Variants in HS3ST3A1 observed in about 807,000 individuals in gnomAD.
The protein encoded by HS3ST3A1 is heparan sulfate-glucosamine 3-sulfotransferase 3A1, also known as heparan sulfate glucosamine 3-O-sulfotransferase 3A1.
Under a neutral mutation model 25.7 loss-of-function variants are expected in HS3ST3A1, and 19 were observed. The observed-to-expected ratio is 0.74, with a 90% confidence interval of 0.52 to 1.08. HS3ST3A1 has a LOEUF of 1.08. Ranked by LOEUF, HS3ST3A1 falls within the 50% of genes least tolerant of loss-of-function variation. The pLI is 0.00. For synonymous variants in HS3ST3A1, 226 were observed against 278.6 expected (o/e 0.81, Z 1.88); for missense variants, 459 against 594.3 (o/e 0.77, Z 2.37).
chr17:13,500,003 A>G (rs1473389955), intron 1 of HS3ST3A1, among the ~76,000 whole-genome samples: 1 of 152,182 alleles, frequency 6.6e-6, no homozygotes, highest in Non-Finnish European at 1.5e-5. Flanking sequence ...CTCACAACAG[A>G]ATTCTTTAAA....
intron 1 of HS3ST3A1, among the ~76,000 whole-genome samples, chr17:13,509,558 C>G (rs1296350182): frequency 6.6e-6 from 1 of 151,722 alleles, no homozygotes; most frequent in Non-Finnish European, 1.5e-5. Flanking sequence ...ATTTACAAGC[C>G]CTTAGAAGTG....
At chr17:13,542,329 CAAAAAA>C (rs61165551) in intron 1 of HS3ST3A1, among the ~76,000 whole-genome samples, 1 of 116,898 alleles carries the variant, frequency 8.6e-6, no homozygotes, top group Non-Finnish European at 1.9e-5. Context: ...ACTCTGTTTC[CAAAAAA>C]AAAAAAAAAA....
At chr17:13,588,415 A>G (rs1908334867) in intron 1 of HS3ST3A1, among the ~76,000 whole-genome samples, 1 of 152,196 alleles carries the variant, frequency 6.6e-6, no homozygotes. Flanking sequence ...TCCATAGCAT[A>G]CAATGTTCAC....
At chr17:13,497,801 C>T (rs1389005637) in intron 1 of HS3ST3A1, among the ~76,000 whole-genome samples, 1 of 152,190 alleles carries the variant, frequency 6.6e-6, no homozygotes, top group Non-Finnish European at 1.5e-5. Context: ...TTTGACTTCT[C>T]TTTTAATGTA....
At chr17:13,539,755 T>C (rs751370805) in intron 1 of HS3ST3A1, among the ~76,000 whole-genome samples, 47 of 152,236 alleles carry the variant, frequency 3.1e-4, no homozygotes, top group Non-Finnish European at 3.7e-4. Flanking sequence ...AAAAGGAACA[T>C]GTCAGTGAAA....
intron 1 of HS3ST3A1, among the ~76,000 whole-genome samples, chr17:13,508,769 A>T (rs1263998847): frequency 6.6e-6 from 1 of 152,194 alleles, no homozygotes. Flanking sequence ...ATAACTTTAC[A>T]ACACTGAAAA....
intron 1 of HS3ST3A1, among the ~76,000 whole-genome samples, chr17:13,559,646 A>G (rs890953284): frequency 2.0e-5 from 3 of 150,868 alleles, no homozygotes; most frequent in African/African-American, 7.3e-5. Context: ...TAGGCAATTG[A>G]TTATCTTTAA....
chr17:13,561,910 CG>C (rs1209795603), intron 1 of HS3ST3A1, among the ~76,000 whole-genome samples: 1 of 151,844 alleles, frequency 6.6e-6, no homozygotes, highest in Non-Finnish European at 1.5e-5. Flanking sequence ...GTGTAGGGTA[CG>C]GATCTGTGTG....
In HS3ST3A1 at chr17:13,581,813, T is replaced by C. The variant is rs185884853; in HGVS notation, c.599+18718A>G. On this transcript the variant is annotated intron_variant, in intron 1 of 1. Transcript: ENST00000284110. Reference sequence around the variant, plus strand: ...ACCCCAAGTTCATTTCCAATGCTAATAATGAGATTTTGTGATAGTGTACTT... The same window carrying C: ...ACCCCAAGTTCATTTCCAATGCTAACAATGAGATTTTGTGATAGTGTACTT... Among the ~76,000 whole-genome samples, 452 of 152,338 alleles carry C rather than the reference T, an allele frequency of 3.0e-3. 1 individual carries two copies. Among genetic ancestry groups the C allele is most frequent in the African/African-American group, 0.01 (429 of 41,576 alleles).
In HS3ST3A1 at chr17:13,511,403, C is replaced by G. The variant is rs1216598458; in HGVS notation, c.600-14585G>C. 2.6e-5 allele frequency among the ~76,000 whole-genome samples: 4 copies of G among 151,970 alleles called. 1 individual carries two copies. The highest frequency in any genetic ancestry group is 5.9e-5 in the Non-Finnish European group (4 of 67,996). ...GGATTTGGGTGAGGGAAGTAGTTAG[C>G]TAAGAGAAAAAAAATCAAATTAAGT... is the stretch of plus-strand genomic sequence containing the variant. On this transcript the variant is annotated intron_variant, in intron 1 of 1. Coordinates refer to ENST00000284110, the MANE Select transcript of HS3ST3A1 (RefSeq NM_006042.3).
intron 1 of HS3ST3A1, among the ~76,000 whole-genome samples, chr17:13,545,775 G>A (rs145776011): frequency 7.4e-4 from 112 of 152,182 alleles, no homozygotes; most frequent in Non-Finnish European, 1.4e-3. Context: ...TCAGGAGTTC[G>A]AAACCAGCCT....
intron 1 of HS3ST3A1, among the ~76,000 whole-genome samples, chr17:13,515,490 T>G (rs913369019): frequency 2.0e-5 from 3 of 151,206 alleles, no homozygotes; most frequent in Non-Finnish European, 4.4e-5. Context: ...TTTTTTTTTT[T>G]TTTGCTGAAT....
At chr17:13,519,319 C>T (rs982845302) in intron 1 of HS3ST3A1, among the ~76,000 whole-genome samples, 2 of 152,162 alleles carry the variant, frequency 1.3e-5, no homozygotes, top group Non-Finnish European at 2.9e-5. Flanking sequence ...GGCTTTTGTT[C>T]TTATCTATCA....
intron 1 of HS3ST3A1, among the ~76,000 whole-genome samples, chr17:13,580,931 G>A (rs949304532): frequency 6.6e-6 from 1 of 152,034 alleles, no homozygotes; most frequent in Non-Finnish European, 1.5e-5. Flanking sequence ...GTCAATTGAG[G>A]TCTCTGGTAG....
intron 1 of HS3ST3A1, among the ~76,000 whole-genome samples, chr17:13,534,886 TGTG>T (rs765488562): frequency 3.3e-5 from 5 of 151,848 alleles, no homozygotes; most frequent in Non-Finnish European, 5.9e-5. Flanking sequence ...ATTAGCCAGG[TGTG>T]GTGGCGCATG....
rs1302598829 is a variant in HS3ST3A1, at chr17:13,495,607, AT to A, written c.*589del. The A allele has an allele frequency of 6.6e-6, 1 of 152,280 alleles. No individual in the cohort carries two copies. The highest frequency in any genetic ancestry group is 1.5e-5 in the Non-Finnish European group (1 of 68,084). The allele number at this position is 152,280 out of a possible 1,614,324, so 9.4% of individuals were successfully genotyped here. On this transcript the variant is annotated 3_prime_UTR_variant, in exon 2 of 2. Transcript: ENST00000284110. ...CCAACATTTGACCTTTAGATACATT[AT>A]TTCACCTCCCAAAGACTCAGTTTTC...
intron 1 of HS3ST3A1, among the ~76,000 whole-genome samples, chr17:13,545,634 C>T (rs1425933871): frequency 6.6e-6 from 1 of 152,212 alleles, no homozygotes. Context: ...TGCATCACCT[C>T]CTCCACGGAG....
At chr17:13,529,253 A>G (rs73978636) in intron 1 of HS3ST3A1, among the ~76,000 whole-genome samples, 1,995 of 152,282 alleles carry the variant, frequency 0.013, 43 homozygotes, top group African/African-American at 0.046. Flanking sequence ...ACACCAATCT[A>G]TCATGTAAAA....
intron 1 of HS3ST3A1, among the ~76,000 whole-genome samples, chr17:13,579,923 G>A (rs1306331612): frequency 7.3e-6 from 1 of 137,064 alleles, no homozygotes; most frequent in African/African-American, 2.7e-5. Context: ...ACTCAGCCTG[G>A]GTGACAGAGT....
Sources: allele counts gnomAD v4.1 joint callset (sites outside exome capture counted in the v4.1 genomes callset), GRCh38; gene constraint gnomAD v4.1.1; transcripts MANE v1.5; gene names NCBI Gene and HGNC (gene_info 2026-07-23, HGNC 2026-07-21).